The following ERCC6 variants were observed in gnomAD, a reference collection of about 807,000 sequenced individuals.
ERCC6 encodes the protein ERCC excision repair 6, chromatin remodeling factor.
In ERCC6, 116 loss-of-function variants were observed where a neutral mutation model predicts 158.7. The ratio of observed to expected loss-of-function variants is 0.73; its 90% CI spans 0.63 to 0.85. The LOEUF (loss-of-function observed/expected upper bound fraction) is 0.85, where lower values mean the gene tolerates loss of function less well. ERCC6 is among the 40% of genes least tolerant of loss of function. The pLI, the probability that ERCC6 is intolerant of heterozygous loss-of-function variation, is 0.00. For synonymous variants in ERCC6, 678 were observed against 659.3 expected, an observed-to-expected ratio of 1.03 and a Z score of -0.43; for missense variants, 1,698 against 1,799.4, an observed-to-expected ratio of 0.94 and a Z score of 1.02.
intron 5 of ERCC6, among the ~76,000 whole-genome samples, chr10:49,518,678 C>T (rs1203215997): frequency 6.6e-6 from 1 of 152,150 alleles, no homozygotes; most frequent in Non-Finnish European, 1.5e-5. Context: ...CCCCTAGCAT[C>T]TGAAATGCTG....
At chr10:49,473,804 T>G (rs1041562782) in intron 13 of ERCC6, among the ~76,000 whole-genome samples, 3 of 152,228 alleles carry the variant, frequency 2.0e-5, no homozygotes, top group African/African-American at 7.2e-5. Flanking sequence ...AGGCCTAAAC[T>G]TACTTGCAGA....
rs764632858 is a variant in ERCC6, at chr10:49,458,959, G to A, written c.4338C>T (p.Ser1446=). The A allele has an allele frequency of 1.9e-6, 3 of 1,614,168 alleles. No homozygotes were observed. The highest frequency in any genetic ancestry group is 2.5e-6 in the Non-Finnish European group (3 of 1,180,030). ...CAAACTCCTGCAGTATCTCCCTGGT[G>A]CTGGCCTGGCCATCAGTGTGGGCCT... ...AFQAHTDGQA[S]TREILQEFES... Residue 1446 remains serine (S), a synonymous_variant, in exon 21 of 21, where the codon AGC becomes AGT. Transcript: ENST00000355832.
intron 6 of ERCC6, chr10:49,500,915 AC>A: frequency 1.8e-6 from 1 of 560,384 alleles, no homozygotes; most frequent in Non-Finnish European, 3.2e-6. Context: ...CAAAACATTA[AC>A]ACATTTCTAA....
At chr10:49,444,966 AG>A in the ERCC6 span, among the ~76,000 whole-genome samples, 1 of 152,220 alleles carries the variant, frequency 6.6e-6, no homozygotes, top group Non-Finnish European at 1.5e-5. Context: ...ATGACCAAAT[AG>A]GGGTTCCCCA....
the ERCC6 span, among the ~76,000 whole-genome samples, chr10:49,442,371 C>T: frequency 6.6e-6 from 1 of 152,184 alleles, no homozygotes; most frequent in Non-Finnish European, 1.5e-5. Flanking sequence ...GCACCGAATT[C>T]CCTGTGAAGA....
At chr10:49,502,401 G>T (rs1564430889) in intron 6 of ERCC6, 1 of 152,180 alleles carries the variant, frequency 6.6e-6, no homozygotes, top group Non-Finnish European at 1.5e-5. Flanking sequence ...TGGGAAGAAG[G>T]ACAAATTCCG....
At chr10:49,482,084 C>A (rs1301468593) in intron 10 of ERCC6, among the ~76,000 whole-genome samples, 2 of 152,226 alleles carry the variant, frequency 1.3e-5, no homozygotes, top group African/African-American at 4.8e-5. Context: ...TATGCCCCCA[C>A]AAGCATCTCC....
intron 8 of ERCC6, among the ~76,000 whole-genome samples, chr10:49,490,372 T>TG (rs397727875): frequency 3.1e-4 from 47 of 151,462 alleles, no homozygotes; most frequent in African/African-American, 1.1e-3. Flanking sequence ...TTTTTTTTTT[T>TG]GAGACAGAGT....
rs4253080 is a variant in ERCC6, at chr10:49,510,035, C to G, written c.1398-4023G>C. The stretch of plus-strand genomic sequence containing the variant: ...ACAAACATAAACCTACAATTCCAGT[C>G]AGATGCAGACAGAGAAAACACTCCC... On this transcript the variant is annotated intron_variant, in intron 5 of 20. Coordinates refer to ENST00000355832, the MANE Select transcript of ERCC6 (RefSeq NM_000124.4). Among the ~76,000 whole-genome samples the G allele has an allele frequency of 3.8e-3, 581 of 152,196 alleles. 7 individuals are homozygous for G. Among genetic ancestry groups the G allele is most frequent in the African/African-American group, 0.014 (565 of 41,530 alleles).
At chr10:49,466,851 A>G (rs1269473175) in intron 18 of ERCC6, among the ~76,000 whole-genome samples, 4 of 150,790 alleles carry the variant, frequency 2.7e-5, no homozygotes, top group Non-Finnish European at 5.9e-5. Flanking sequence ...CAATGGTGTG[A>G]TCTCGGCTCA....
chr10:49,492,823 A>T (rs1331075379), intron 8 of ERCC6, among the ~76,000 whole-genome samples: 2 of 152,218 alleles, frequency 1.3e-5, no homozygotes, highest in African/African-American at 4.8e-5. Context: ...CACCTGACTT[A>T]TGACTCCAAC....
intron 8 of ERCC6, among the ~76,000 whole-genome samples, chr10:49,484,671 TAG>T (rs1371121650): frequency 2.0e-5 from 3 of 149,668 alleles, no homozygotes; most frequent in African/African-American, 7.7e-5. Context: ...GCTCAGGAGT[TAG>T]AGTCTACAGT....
chr10:49,475,291 T>C (rs1329628633), intron 12 of ERCC6: 8 of 342,074 alleles, frequency 2.3e-5, no homozygotes, highest in Non-Finnish European at 4.0e-5. Flanking sequence ...GTATTTTAGA[T>C]ATATGAAATA....
chr10:49,484,763 A>G (rs1425026301), intron 8 of ERCC6, among the ~76,000 whole-genome samples: 3 of 152,246 alleles, frequency 2.0e-5, no homozygotes, highest in East Asian at 3.8e-4. Flanking sequence ...GTTTTTAAAA[A>G]TAAGGAGAAA....
At position 49,457,106 on chromosome 10, in the gene ERCC6, A is replaced by G. The variant is rs1003400835; in HGVS notation, c.*1709T>C. 1 of 152,216 alleles carries G rather than the reference A, an allele frequency of 6.6e-6. No homozygotes were observed. Among genetic ancestry groups the G allele is most frequent in the African/African-American group, 2.4e-5 (1 of 41,462 alleles). The allele number at this position is 152,216 out of a possible 1,614,324, so 9.4% of individuals were successfully genotyped here. On this transcript the variant is annotated 3_prime_UTR_variant, in exon 21 of 21. Transcript: ENST00000355832. ...TCACCCTGAGAACAAGGAAGACACA[A>G]TTTCCTTATAGGCTAATGATTATAA...
intron 8 of ERCC6, among the ~76,000 whole-genome samples, chr10:49,485,776 G>A (rs932663054): frequency 2.0e-4 from 30 of 152,238 alleles, no homozygotes; most frequent in African/African-American, 5.5e-4. Context: ...CCATTACAGA[G>A]GAAAATAATA....
At chr10:49,537,564 GGAAA>G (rs1374971164) in intron 1 of ERCC6, among the ~76,000 whole-genome samples, 1 of 151,654 alleles carries the variant, frequency 6.6e-6, no homozygotes, top group Non-Finnish European at 1.5e-5. Flanking sequence ...GCTGTTAAGA[GGAAA>G]GTACAAGGCT....
At chr10:49,440,314 A>G in the ERCC6 span, among the ~76,000 whole-genome samples, 1 of 152,228 alleles carries the variant, frequency 6.6e-6, no homozygotes, top group Non-Finnish European at 1.5e-5. Flanking sequence ...AGAAAGAAGC[A>G]AAAGCAGAAA....
At position 49,454,807 on chromosome 10, in the gene ERCC6, TA is replaced by T. The variant is rs1850459524; in HGVS notation, c.*4007del. Among the ~76,000 whole-genome samples the T allele has an allele frequency of 6.6e-6, 1 of 152,158 alleles. No homozygotes were observed. The highest frequency in any genetic ancestry group is 1.5e-5 in the Non-Finnish European group (1 of 68,028). ...ATAATCAATTATGATACCACAATGA[TA>T]AAAACAGTGGGTTACTAAGCAAAGT... On this transcript the variant is annotated 3_prime_UTR_variant, in exon 21 of 21. Transcript: ENST00000355832.
Sources: gnomAD v4.1 joint callset for allele counts (sites outside exome capture counted in the v4.1 genomes callset) on GRCh38, gnomAD v4.1.1 for gene constraint, MANE v1.5 for transcripts, NCBI Gene and HGNC (gene_info 2026-07-23, HGNC 2026-07-21) for gene names.